GRID2: variants seen among roughly 807,000 people sequenced by gnomAD.
The protein encoded by GRID2 is glutamate ionotropic receptor delta type subunit 2.
In GRID2, 33 loss-of-function variants were observed where a neutral mutation model predicts 114.8. The observed-to-expected ratio is 0.29, with a 90% CI of 0.22 to 0.38. The LOEUF (loss-of-function observed/expected upper bound fraction) is 0.38, where lower values mean the gene tolerates loss of function less well. Ranked by LOEUF, GRID2 falls within the 10% of genes least tolerant of loss-of-function variation. GRID2 has a pLI of 1.00. For synonymous variants in GRID2, 505 were observed against 449.9 expected (o/e 1.12, Z -1.55); for missense variants, 1,184 against 1,257.7 (o/e 0.94, Z 0.89).
Position 93,791,503 on chromosome 4 carries a change from TTTA to T in GRID2, c.222-15210_222-15208del, listed in dbSNP as rs1213979295. 5.9e-5 allele frequency among the ~76,000 whole-genome samples: 9 copies of T among 152,360 alleles called. No individual in the cohort carries two copies. The East Asian group carries it at 1.5e-3, about 26-fold the overall frequency. ...CAAACTCTTCAGACTAAAAACGGTC[TTTA>T]TATTTGTTGTCCAAAAAAAAAGGAA... is the stretch of plus-strand genomic sequence containing the variant. On this transcript the variant is annotated intron_variant, in intron 1 of 1. Coordinates refer to the GRID2 transcript ENST00000637838.
chr4:92,565,320 T>C (rs150439629), intron 1 of GRID2, among the ~76,000 whole-genome samples: 217 of 152,128 alleles, frequency 1.4e-3, no homozygotes, highest in African/African-American at 5.1e-3. Context: ...AATATGTGAA[T>C]CAACACTGTC....
intron 2 of GRID2, among the ~76,000 whole-genome samples, chr4:92,656,806 T>C (rs1296294896): frequency 1.3e-5 from 2 of 151,686 alleles, no homozygotes; most frequent in African/African-American, 2.4e-5. Flanking sequence ...TTAAAGAACA[T>C]TTTTTAGCAA....
At chr4:92,372,428 G>A (rs1729160883) in intron 1 of GRID2, among the ~76,000 whole-genome samples, 1 of 152,126 alleles carries the variant, frequency 6.6e-6, no homozygotes, top group Non-Finnish European at 1.5e-5. Context: ...TGATCAATCA[G>A]CAACCATTAA....
chr4:93,428,022 G>T (rs1219854634), intron 10 of GRID2, among the ~76,000 whole-genome samples: 3 of 151,870 alleles, frequency 2.0e-5, no homozygotes, highest in Non-Finnish European at 2.9e-5. Context: ...ATCAAGTTTA[G>T]GATAGAAGTA....
At chr4:92,502,863 G>T (rs559386114) in intron 1 of GRID2, among the ~76,000 whole-genome samples, 2 of 151,704 alleles carry the variant, frequency 1.3e-5, no homozygotes, top group Non-Finnish European at 2.9e-5. Context: ...GATTATAGGC[G>T]CCTGCCACCA....
At chr4:92,831,054 T>C in intron 2 of GRID2, among the ~76,000 whole-genome samples, 1 of 152,186 alleles carries the variant, frequency 6.6e-6, no homozygotes, top group East Asian at 1.9e-4. Flanking sequence ...CCTTGGGATA[T>C]TGAGAAACAG....
intron 14 of GRID2, among the ~76,000 whole-genome samples, chr4:93,683,924 G>A (rs1725839703): frequency 6.6e-6 from 1 of 152,024 alleles, no homozygotes; most frequent in Non-Finnish European, 1.5e-5. Flanking sequence ...CTTTATTCAG[G>A]AACATTGCAA....
intron 4 of GRID2, among the ~76,000 whole-genome samples, chr4:93,156,043 G>T (rs1448423744): frequency 6.6e-6 from 1 of 151,574 alleles, no homozygotes; most frequent in South Asian, 2.1e-4. Flanking sequence ...CAATGTGATT[G>T]TTACATATTG....
At chr4:92,355,339 T>C (rs190614639) in intron 1 of GRID2, among the ~76,000 whole-genome samples, 1 of 151,986 alleles carries the variant, frequency 6.6e-6, no homozygotes, top group Admixed American at 6.6e-5. Flanking sequence ...ACTGTCTACA[T>C]AGGCATGCAA....
intron 14 of GRID2, among the ~76,000 whole-genome samples, chr4:93,765,633 T>C (rs1002772551): frequency 2.2e-5 from 3 of 135,846 alleles, no homozygotes; most frequent in African/African-American, 8.8e-5. Flanking sequence ...TATATATATA[T>C]GAGGCATATA....
At chr4:92,533,203 T>TGGC (rs1725436506) in intron 1 of GRID2, among the ~76,000 whole-genome samples, 1 of 144,438 alleles carries the variant, frequency 6.9e-6, no homozygotes, top group Non-Finnish European at 1.5e-5. Flanking sequence ...TTTTTTTTGT[T>TGGC]TTTTTTTTGA....
chr4:92,485,664 T>C (rs1192612003), intron 1 of GRID2, among the ~76,000 whole-genome samples: 1 of 151,728 alleles, frequency 6.6e-6, no homozygotes, highest in Non-Finnish European at 1.5e-5. Context: ...CACTCCAGCC[T>C]GGGCGACAGA....
At chr4:92,642,094 T>C (rs1250655077) in intron 2 of GRID2, among the ~76,000 whole-genome samples, 1 of 151,630 alleles carries the variant, frequency 6.6e-6, no homozygotes, top group East Asian at 1.9e-4. Context: ...TTCAGTGCTA[T>C]GGCAATGAAC....
At chr4:93,453,202 A>T (rs1438764857) in intron 10 of GRID2, among the ~76,000 whole-genome samples, 1 of 151,506 alleles carries the variant, frequency 6.6e-6, no homozygotes, top group East Asian at 2.0e-4. Flanking sequence ...CCTCTAATAT[A>T]AGTAAGGACT....
intron 12 of GRID2, among the ~76,000 whole-genome samples, chr4:93,510,609 A>G (rs1245868473): frequency 1.3e-5 from 2 of 152,200 alleles, no homozygotes; most frequent in Admixed American, 6.5e-5. Context: ...GAGTCACACA[A>G]TCTCATACTT....
chr4:93,378,133 A>G (rs1763536911), intron 8 of GRID2, among the ~76,000 whole-genome samples: 1 of 152,158 alleles, frequency 6.6e-6, no homozygotes, highest in African/African-American at 2.4e-5. Flanking sequence ...CAAAAAATTT[A>G]TACCTTCAAC....
chr4:92,620,031 A>C (rs1452231025), intron 2 of GRID2, among the ~76,000 whole-genome samples: 1 of 151,732 alleles, frequency 6.6e-6, no homozygotes, highest in African/African-American at 2.4e-5. Context: ...ATTCTGATGA[A>C]AAGAAGAATG....
At chr4:92,980,458 A>C (rs948068773) in intron 2 of GRID2, among the ~76,000 whole-genome samples, 3 of 152,054 alleles carry the variant, frequency 2.0e-5, no homozygotes, top group Non-Finnish European at 4.4e-5. Flanking sequence ...TGGAAGCAGA[A>C]TTTAGAAACC....
chr4:92,755,842 A>G (rs1217780003), intron 2 of GRID2, among the ~76,000 whole-genome samples: 2 of 152,150 alleles, frequency 1.3e-5, no homozygotes, highest in Non-Finnish European at 2.9e-5. Context: ...GTTTTTATTG[A>G]TACATAAAAT....
Sources: gnomAD v4.1 joint callset for allele counts (sites outside exome capture counted in the v4.1 genomes callset) on GRCh38, gnomAD v4.1.1 for gene constraint, MANE v1.5 for transcripts, NCBI Gene and HGNC (gene_info 2026-07-23, HGNC 2026-07-21) for gene names.